LRRC4C: variants seen among roughly 807,000 people sequenced by gnomAD.
LRRC4C encodes leucine-rich repeat-containing protein 4C.
In LRRC4C, 5 loss-of-function variants were observed where a neutral mutation model predicts 33.6. The ratio of observed to expected loss-of-function variants is 0.15; its 90% CI spans 0.08 to 0.31. The LOEUF (loss-of-function observed/expected upper bound fraction) is 0.31, where lower values mean the gene tolerates loss of function less well. LRRC4C is among the 10% of genes least tolerant of loss of function. The pLI is 1.00. For synonymous variants in LRRC4C, 329 were observed against 302.0 expected (o/e 1.09, Z -0.93); for missense variants, 560 against 796.7 (o/e 0.70, Z 3.58).
intron 4 of LRRC4C, among the ~76,000 whole-genome samples, chr11:40,269,398 C>T (rs1263694040): frequency 1.3e-5 from 2 of 151,930 alleles, no homozygotes; most frequent in African/African-American, 2.4e-5. Flanking sequence ...ATTATTGTCC[C>T]CACTTAGAGT....
chr11:41,147,512 A>G (rs1253056183), intron 1 of LRRC4C, among the ~76,000 whole-genome samples: 1 of 152,220 alleles, frequency 6.6e-6, no homozygotes, highest in Admixed American at 6.5e-5. Context: ...CTGGGAAAGA[A>G]GTAGAGAAAT....
chr11:40,161,415 T>A (rs556891376), intron 5 of LRRC4C, among the ~76,000 whole-genome samples: 154 of 152,318 alleles, frequency 1.0e-3, no homozygotes, highest in Admixed American at 2.5e-3. Context: ...TATCTGGTAT[T>A]TCTAAAATAG....
intron 2 of LRRC4C, among the ~76,000 whole-genome samples, chr11:40,879,124 T>C (rs927824877): frequency 5.3e-5 from 8 of 152,200 alleles, no homozygotes; most frequent in Non-Finnish European, 1.2e-4. Context: ...TCTCCACTCA[T>C]GTGCTCCATG....
chr11:40,927,385 T>TA (rs1555005007), intron 2 of LRRC4C, among the ~76,000 whole-genome samples: 3 of 149,352 alleles, frequency 2.0e-5, no homozygotes, highest in Admixed American at 6.7e-5. Context: ...ATAAAAAAAT[T>TA]AAAAAAAGGA....
intron 5 of LRRC4C, among the ~76,000 whole-genome samples, chr11:40,177,534 CCCA>C (rs1860610148): frequency 6.6e-6 from 1 of 152,108 alleles, no homozygotes; most frequent in Non-Finnish European, 1.5e-5. Flanking sequence ...CAGGCATGCT[CCCA>C]CCTATTCTCT....
Position 40,535,099 on chromosome 11 carries a change from G to A in LRRC4C, c.-270+113043C>T, listed in dbSNP as rs138341341. On this transcript the variant is annotated intron_variant, in intron 3 of 6. Coordinates refer to ENST00000528697, the MANE Select transcript of LRRC4C (RefSeq NM_001258419.2). Reference sequence around the variant, plus strand: ...AAAGTTCTGGAAATTAGATGTATAGGTAGCAGTGTATTATGGGACTAAATT... The same window carrying A: ...AAAGTTCTGGAAATTAGATGTATAGATAGCAGTGTATTATGGGACTAAATT... 3.8e-3 allele frequency among the ~76,000 whole-genome samples: 574 copies of A among 152,246 alleles called. 3 individuals are homozygous for A. The highest frequency in any genetic ancestry group is 5.4e-3 in the Non-Finnish European group (369 of 68,002).
intron 1 of LRRC4C, among the ~76,000 whole-genome samples, chr11:41,116,598 G>T (rs1228867569): frequency 1.3e-5 from 2 of 152,012 alleles, no homozygotes; most frequent in Non-Finnish European, 2.9e-5. Flanking sequence ...ATTTACTACG[G>T]TCATTTTGGA....
chr11:40,363,474 G>T (rs1948061129), intron 3 of LRRC4C, among the ~76,000 whole-genome samples: 2 of 152,026 alleles, frequency 1.3e-5, no homozygotes, highest in Admixed American at 6.6e-5. Flanking sequence ...CTTAATACCT[G>T]TGGGTGACGA....
chr11:40,268,808 G>A (rs974581005), intron 4 of LRRC4C, among the ~76,000 whole-genome samples: 3 of 152,100 alleles, frequency 2.0e-5, no homozygotes, highest in African/African-American at 7.2e-5. Flanking sequence ...CATCCCTGGA[G>A]TCTGAAAATG....
At chr11:40,286,259 T>G (rs1242272243) in intron 4 of LRRC4C, among the ~76,000 whole-genome samples, 1 of 152,192 alleles carries the variant, frequency 6.6e-6, no homozygotes. Flanking sequence ...AGTATGTGAA[T>G]GTAGTCTCTT....
At chr11:41,330,240 G>A (rs562570027) in intron 1 of LRRC4C, among the ~76,000 whole-genome samples, 21 of 152,152 alleles carry the variant, frequency 1.4e-4, no homozygotes, top group Non-Finnish European at 2.4e-4. Flanking sequence ...TTTATATATT[G>A]AAATACATAT....
chr11:40,591,080 G>A (rs1037337867), intron 3 of LRRC4C, among the ~76,000 whole-genome samples: 3 of 152,094 alleles, frequency 2.0e-5, no homozygotes, highest in Admixed American at 1.3e-4. Flanking sequence ...CCCCAGCCTC[G>A]CTGCCGCCTT....
chr11:40,835,226 G>A (rs1011715797), intron 2 of LRRC4C, among the ~76,000 whole-genome samples: 3 of 151,950 alleles, frequency 2.0e-5, no homozygotes, highest in Non-Finnish European at 2.9e-5. Context: ...ACAGACTGAC[G>A]TTTTTGTAAA....
chr11:40,264,618 C>T (rs556575030), intron 4 of LRRC4C, among the ~76,000 whole-genome samples: 3 of 152,242 alleles, frequency 2.0e-5, no homozygotes, highest in Admixed American at 2.0e-4. Context: ...TTTGAAAAGC[C>T]AAGTCTTCAA....
rs1460971661 is a variant in LRRC4C, at chr11:41,218,790, C to T, written c.-496+240641G>A. Among the ~76,000 whole-genome samples, 3 of 109,746 alleles carry T rather than the reference C, an allele frequency of 2.7e-5. No individual in the cohort carries two copies. In the Admixed American group the frequency reaches 3.9e-4, roughly 14 times the overall value. The allele number at this position is 109,746 out of a possible 152,430, so 72.0% of individuals were successfully genotyped here. A position where few individuals can be genotyped will look rare whatever the true frequency, so the allele number is the denominator to read the frequency against. On this transcript the variant is annotated intron_variant, in intron 1 of 6. Coordinates refer to ENST00000528697, the MANE Select transcript of LRRC4C (RefSeq NM_001258419.2). Reference sequence around the variant, plus strand: ...TTTTTTTTTTTTTTTTTTTTTGAGACGGAGTCTTGCTGTGTCGCCCAGACT... The same window carrying T: ...TTTTTTTTTTTTTTTTTTTTTGAGATGGAGTCTTGCTGTGTCGCCCAGACT...
chr11:40,691,656 G>A (rs12223570), intron 2 of LRRC4C, among the ~76,000 whole-genome samples: 23,943 of 152,032 alleles, frequency 0.16, 2,394 homozygotes, highest in African/African-American at 0.29. Flanking sequence ...GACTGGAATT[G>A]GTAAAATTAG....
intron 2 of LRRC4C, among the ~76,000 whole-genome samples, chr11:40,824,437 A>G (rs1952072277): frequency 6.6e-6 from 1 of 151,880 alleles, no homozygotes; most frequent in Admixed American, 6.6e-5. Context: ...TTTCCTAAAT[A>G]GAGTTTCATC....
intron 3 of LRRC4C, among the ~76,000 whole-genome samples, chr11:40,601,959 G>A (rs1176913330): frequency 6.6e-6 from 1 of 151,966 alleles, no homozygotes; most frequent in East Asian, 1.9e-4. Context: ...GGAAGGCCAA[G>A]GCAGGCAGAA....
At chr11:40,928,151 A>C (rs1386816389) in intron 2 of LRRC4C, among the ~76,000 whole-genome samples, 1 of 151,892 alleles carries the variant, frequency 6.6e-6, no homozygotes, top group Non-Finnish European at 1.5e-5. Flanking sequence ...TTTTGTAGCA[A>C]TTTTCATGGT....
Sources: gnomAD v4.1 joint callset for allele counts (sites outside exome capture counted in the v4.1 genomes callset) on GRCh38, gnomAD v4.1.1 for gene constraint, MANE v1.5 for transcripts, NCBI Gene and HGNC (gene_info 2026-07-23, HGNC 2026-07-21) for gene names.